SDC2: variants seen among roughly 807,000 people sequenced by gnomAD.
SDC2 encodes syndecan 2, also known as syndecan-2.
Under a neutral mutation model 22.2 loss-of-function variants are expected in SDC2, and 13 were observed. The ratio of observed to expected loss-of-function variants is 0.59; its 90% CI spans 0.38 to 0.93. The LOEUF (loss-of-function observed/expected upper bound fraction) is 0.93. Ranked by LOEUF, SDC2 falls within the 40% of genes least tolerant of loss-of-function variation. The pLI is 0.00. For missense variants in SDC2, 235 were observed against 246.8 expected, an observed-to-expected ratio of 0.95 and a Z score of 0.32; for synonymous variants, 94 against 92.8, an observed-to-expected ratio of 1.01 and a Z score of -0.07.
At chr8:96,540,696 G>A (rs540675328) in intron 1 of SDC2, among the ~76,000 whole-genome samples, 5 of 152,254 alleles carry the variant, frequency 3.3e-5, no homozygotes, top group East Asian at 3.9e-4. Context: ...AAGAGATTTA[G>A]CAATGTTTTT....
Position 96,611,642 on chromosome 8 carries a change from A to G in SDC2, c.*2094A>G, listed in dbSNP as rs945291313. On this transcript the variant is annotated 3_prime_UTR_variant, in exon 5 of 5. Transcript: ENST00000302190. ...ACTGTGCAAAGCAGAGTGAAATTCA[A>G]TTCATAGAATAACAACTGCTGGGAA... is the stretch of plus-strand genomic sequence containing the variant. 2.6e-5 allele frequency: 4 copies of G among 152,650 alleles called. No individual in the cohort carries two copies. Among genetic ancestry groups the G allele is most frequent in the Non-Finnish European group, 4.4e-5 (3 of 68,048 alleles). The allele number at this position is 152,650 out of a possible 1,614,324, so 9.5% of individuals were successfully genotyped here. A position where few individuals can be genotyped will look rare whatever the true frequency, so the allele number is the denominator to read the frequency against.
At chr8:96,565,781 A>C (rs932606285) in intron 1 of SDC2, among the ~76,000 whole-genome samples, 3 of 152,282 alleles carry the variant, frequency 2.0e-5, no homozygotes, top group Non-Finnish European at 4.4e-5. Flanking sequence ...GATTGAATGT[A>C]ACGGCGTTCC....
chr8:96,548,568 C>G (rs1318769612), intron 1 of SDC2, among the ~76,000 whole-genome samples: 1 of 152,196 alleles, frequency 6.6e-6, no homozygotes, highest in African/African-American at 2.4e-5. Flanking sequence ...GGATTCTTCT[C>G]TAATCTGCAG....
Position 96,494,478 on chromosome 8 carries a change from G to T in SDC2, c.60+147G>T, listed in dbSNP as rs907358269. ...TCCGCTGGGACAAATGCGCTCGTCC[G>T]GTCACCCTTTCCCCCTCTTCCCTTC... On this transcript the variant is annotated intron_variant, in intron 1 of 4. Coordinates refer to ENST00000302190, the MANE Select transcript of SDC2 (RefSeq NM_002998.4). 3.1e-5 allele frequency: 22 copies of T among 712,780 alleles called. No individual in the cohort carries two copies. The Admixed American group carries it at 5.1e-4, about 17-fold the overall frequency. 44.2% of individuals were successfully genotyped at this position (712,780 alleles called of 1,614,324 possible). A position where few individuals can be genotyped will look rare whatever the true frequency, so the allele number is the denominator to read the frequency against.
chr8:96,604,505 C>T (rs935017658), intron 3 of SDC2, among the ~76,000 whole-genome samples: 1 of 152,158 alleles, frequency 6.6e-6, no homozygotes, highest in Non-Finnish European at 1.5e-5. Flanking sequence ...TCATGAATAA[C>T]ATGAATAATA....
Position 96,531,513 on chromosome 8 carries a change from A to T in SDC2, c.60+37182A>T, listed in dbSNP as rs571353590. Among the ~76,000 whole-genome samples the T allele has an allele frequency of 9.3e-4, 142 of 152,340 alleles. 1 individual carries two copies. In the Middle Eastern group the frequency reaches 0.027, roughly 29 times the overall value. On this transcript the variant is annotated intron_variant, in intron 1 of 4. Coordinates refer to ENST00000302190, the MANE Select transcript of SDC2 (RefSeq NM_002998.4). ...AGTCTAACATATGTAAAAATGATTTAAAAAATTTTATTTACACAAAGAATG... is the reference window on the plus strand; with the variant it reads ...AGTCTAACATATGTAAAAATGATTTTAAAAATTTTATTTACACAAAGAATG...
intron 1 of SDC2, among the ~76,000 whole-genome samples, chr8:96,505,342 C>T (rs893810043): frequency 4.6e-5 from 7 of 151,988 alleles, no homozygotes; most frequent in South Asian, 4.2e-4. Flanking sequence ...CTCGCTCTGT[C>T]GCCCAGGCTG....
intron 1 of SDC2, among the ~76,000 whole-genome samples, chr8:96,574,803 G>A (rs1265763353): frequency 1.3e-5 from 2 of 152,172 alleles, no homozygotes; most frequent in Non-Finnish European, 2.9e-5. Flanking sequence ...AAAATGTATT[G>A]CGTTACCTGT....
chr8:96,551,159 C>T (rs1397403669), intron 1 of SDC2, among the ~76,000 whole-genome samples: 2 of 152,176 alleles, frequency 1.3e-5, no homozygotes, highest in African/African-American at 4.8e-5. Flanking sequence ...TGACCCACAC[C>T]TAGTCTAGGC....
intron 1 of SDC2, among the ~76,000 whole-genome samples, chr8:96,513,823 A>G (rs1813363124): frequency 6.6e-6 from 1 of 152,290 alleles, no homozygotes; most frequent in East Asian, 1.9e-4. Context: ...CAGGCTACTT[A>G]AGCAGGAGGC....
At chr8:96,600,871 G>A (rs867913844) in intron 2 of SDC2, among the ~76,000 whole-genome samples, 1 of 152,152 alleles carries the variant, frequency 6.6e-6, no homozygotes, top group Non-Finnish European at 1.5e-5. Context: ...ACTTTGAGAG[G>A]GGTGGTAAAA....
At position 96,568,263 on chromosome 8, in the gene SDC2, A is replaced by T. The variant is rs1218684412; in HGVS notation, c.61-25217A>T. ...GAAAGAATATACCTTGTGGGGGTGG[A>T]AAATGAAATGTTATCTGTAATGAGT... On this transcript the variant is annotated intron_variant, in intron 1 of 4. Coordinates refer to ENST00000302190, the MANE Select transcript of SDC2 (RefSeq NM_002998.4). Among the ~76,000 whole-genome samples the T allele has an allele frequency of 2.0e-5, 3 of 152,234 alleles. No individual in the cohort carries two copies. In the South Asian group the frequency reaches 6.2e-4, roughly 32 times the overall value.
At chr8:96,558,767 T>C (rs115988657) in intron 1 of SDC2, among the ~76,000 whole-genome samples, 64 of 152,286 alleles carry the variant, frequency 4.2e-4, no homozygotes, top group African/African-American at 1.5e-3. Context: ...CCATAAACTT[T>C]CTAGTCAACT....
intron 1 of SDC2, among the ~76,000 whole-genome samples, chr8:96,539,973 C>G (rs1287096550): frequency 6.6e-6 from 1 of 152,130 alleles, no homozygotes; most frequent in Non-Finnish European, 1.5e-5. Flanking sequence ...CAGGCTAGTT[C>G]TGACCAGTTA....
intron 1 of SDC2, among the ~76,000 whole-genome samples, chr8:96,585,853 GTTTTTTTTTTTTTT>G (rs199970598): frequency 6.9e-6 from 1 of 145,486 alleles, no homozygotes; most frequent in Admixed American, 7.1e-5. Flanking sequence ...CTGGCAAGAG[GTTTTTTTTTTTTTT>G]TTTTTTTTTT....
At chr8:96,570,497 G>A (rs1378805920) in intron 1 of SDC2, among the ~76,000 whole-genome samples, 7 of 152,174 alleles carry the variant, frequency 4.6e-5, no homozygotes, top group East Asian at 3.8e-4. Flanking sequence ...CTGCTAAGGG[G>A]AGATAGAGAA....
intron 1 of SDC2, among the ~76,000 whole-genome samples, chr8:96,506,095 C>T (rs541331477): frequency 2.6e-4 from 40 of 152,316 alleles, no homozygotes; most frequent in Non-Finnish European, 4.6e-4. Context: ...GCAAAACTTT[C>T]CTAAAACCTT....
intron 1 of SDC2, among the ~76,000 whole-genome samples, chr8:96,520,471 C>T (rs1813479642): frequency 1.3e-5 from 2 of 152,186 alleles, no homozygotes; most frequent in Admixed American, 1.3e-4. Flanking sequence ...TACAGGGAGT[C>T]TTACTGCCTT....
chr8:96,580,032 A>T (rs1814564448), intron 1 of SDC2, among the ~76,000 whole-genome samples: 1 of 152,146 alleles, frequency 6.6e-6, no homozygotes, highest in African/African-American at 2.4e-5. Context: ...TTTGTAAAGG[A>T]TTTAAAAAGA....
Sources: allele counts gnomAD v4.1 joint callset (sites outside exome capture counted in the v4.1 genomes callset), GRCh38; gene constraint gnomAD v4.1.1; transcripts MANE v1.5; gene names NCBI Gene and HGNC (gene_info 2026-07-23, HGNC 2026-07-21).